The following TPX2 variants were observed in gnomAD, a reference collection of about 807,000 sequenced individuals.
The protein encoded by TPX2 is TPX2 microtubule nucleation factor.
A neutral mutation model predicts 93.6 loss-of-function variants in TPX2; 21 were observed. That is an observed-to-expected ratio of 0.22 (90% CI 0.16 to 0.32). The LOEUF (loss-of-function observed/expected upper bound fraction) is 0.32. Among genes scored for constraint, TPX2 ranks in the 10% least tolerant of loss-of-function variants. The pLI, the probability that TPX2 is intolerant of heterozygous loss-of-function variation, is 1.00. For synonymous variants in TPX2, 281 were observed against 298.3 expected, an observed-to-expected ratio of 0.94 and a Z score of 0.60; for missense variants, 776 against 871.1, an observed-to-expected ratio of 0.89 and a Z score of 1.37.
Position 31,772,042 on chromosome 20 carries a change from A to T in TPX2, c.608+360A>T, listed in dbSNP as rs546839093. ...AACTTTTTTTTTTTTTTTTTTTGAG[A>T]CAGAGGCTCACTCTGTTTCCCAGGC... On this transcript the variant is annotated intron_variant, in intron 7 of 17. Transcript: ENST00000300403. Among the ~76,000 whole-genome samples, 22 of 128,270 alleles carry T rather than the reference A, an allele frequency of 1.7e-4. No individual in the cohort carries two copies. In the Middle Eastern group the frequency reaches 0.016, roughly 96 times the overall value. The allele number at this position is 128,270 out of a possible 152,430, so 84.2% of individuals were successfully genotyped here.
chr20:31,796,387 C>T (rs2062138938), intron 15 of TPX2, among the ~76,000 whole-genome samples: 4 of 152,284 alleles, frequency 2.6e-5, no homozygotes, highest in Non-Finnish European at 4.4e-5. Flanking sequence ...AATATTCTCA[C>T]ACTTAAAAAG....
intron 4 of TPX2, among the ~76,000 whole-genome samples, chr20:31,760,747 A>G (rs1311415664): frequency 1.3e-5 from 2 of 152,330 alleles, no homozygotes; most frequent in East Asian, 3.9e-4. Context: ...TGGGTGGGAA[A>G]TAAAACAGCA....
rs779981664 is a variant in TPX2, at chr20:31,783,900, T to C, written c.1392T>C (p.Thr464=). The C allele has an allele frequency of 6.2e-7, 1 of 1,612,972 alleles. No homozygotes were observed. The highest frequency in any genetic ancestry group is 1.7e-5 in the Admixed American group (1 of 59,604). The change falls in exon 12 of 18, where the codon ACT becomes ACC. Residue 464 remains threonine, a synonymous_variant. Coordinates refer to ENST00000300403, the MANE Select transcript of TPX2 (RefSeq NM_012112.5). ...HFEFHSRPCP[T]KILEDVVGVP... ...AATTTCATTCCAGACCTTGCCCTACTAAGATTTTGGAAGATGTTGTGGTAA... is the reference window on the plus strand; with the variant it reads ...AATTTCATTCCAGACCTTGCCCTACCAAGATTTTGGAAGATGTTGTGGTAA...
intron 10 of TPX2, 48 bp from the exon 11 acceptor site, chr20:31,782,201 A>T: frequency 3.8e-6 from 6 of 1,566,388 alleles, no homozygotes; most frequent in Non-Finnish European, 5.2e-6. Flanking sequence ...CTTACAAGTA[A>T]ACTGGGTCTT....
chr20:31,794,371 A>G (rs753475102), intron 14 of TPX2, 31 bp from the exon 15 acceptor site: 6 of 1,607,924 alleles, frequency 3.7e-6, no homozygotes, highest in Non-Finnish European at 4.2e-6. Flanking sequence ...GCTAGTCTTT[A>G]TCTTAAACCT....
chr20:31,785,369 C>T (rs1480284679), intron 12 of TPX2, among the ~76,000 whole-genome samples: 1 of 152,148 alleles, frequency 6.6e-6, no homozygotes, highest in East Asian at 1.9e-4. Flanking sequence ...ATATGCAAAC[C>T]TCAGAGTTGT....
intron 12 of TPX2, among the ~76,000 whole-genome samples, chr20:31,788,417 C>CAAAAAA (rs11356550): frequency 5.8e-5 from 4 of 68,676 alleles, no homozygotes; most frequent in African/African-American, 1.0e-4. Flanking sequence ...GACTCTGTCT[C>CAAAAAA]AAAAAAAAAA....
At chr20:31,783,678 G>A in intron 11 of TPX2, 27 bp from the exon 12 acceptor site, 2 of 1,571,286 alleles carry the variant, frequency 1.3e-6, no homozygotes, top group Non-Finnish European at 1.7e-6. Flanking sequence ...AATTTTTTTT[G>A]TGGTTATTTA....
In TPX2 at chr20:31,783,891, T is replaced by C. The variant is rs1160666672; in HGVS notation, c.1383T>C (p.Pro461=). The part of the protein sequence containing the change: ...EDEHFEFHSR[P]CPTKILEDVV... ...AACACTTTGAATTTCATTCCAGACCTTGCCCTACTAAGATTTTGGAAGATG... is the reference window on the plus strand; with the variant it reads ...AACACTTTGAATTTCATTCCAGACCCTGCCCTACTAAGATTTTGGAAGATG... The change falls in exon 12 of 18, where the codon CCT becomes CCC. Residue 461 remains proline (P), a synonymous_variant. Coordinates refer to ENST00000300403, the MANE Select transcript of TPX2 (RefSeq NM_012112.5). 6.2e-7 allele frequency: 1 copy of C among 1,612,418 alleles called. No homozygotes were observed. The highest frequency in any genetic ancestry group is 8.5e-7 in the Non-Finnish European group (1 of 1,179,718).
intron 7 of TPX2, among the ~76,000 whole-genome samples, chr20:31,772,135 C>T (rs2061968105): frequency 6.6e-6 from 1 of 151,692 alleles, no homozygotes; most frequent in South Asian, 2.1e-4. Flanking sequence ...ATTCTCCTGC[C>T]TCAGCCTCCC....
chr20:31,765,447 T>C (rs143524362), intron 4 of TPX2, among the ~76,000 whole-genome samples: 179 of 151,946 alleles, frequency 1.2e-3, no homozygotes, highest in Admixed American at 3.3e-3. Context: ...CTCAAACTCA[T>C]ATTGGTTTTG....
At chr20:31,763,721 A>ATTTATTTTTTT (rs2061905707) in intron 4 of TPX2, among the ~76,000 whole-genome samples, 1 of 114,030 alleles carries the variant, frequency 8.8e-6, no homozygotes, top group Non-Finnish European at 1.7e-5. Context: ...TTTAAATTTA[A>ATTTATTTTTTT]TTTTTTTTTT....
intron 2 of TPX2, among the ~76,000 whole-genome samples, chr20:31,743,615 A>G (rs2061765958): frequency 6.6e-6 from 1 of 152,092 alleles, no homozygotes; most frequent in South Asian, 2.1e-4. Flanking sequence ...GGGTCACTTA[A>G]GCCAAGGAGT....
intron 3 of TPX2, among the ~76,000 whole-genome samples, chr20:31,759,153 T>C (rs757726495): frequency 3.3e-5 from 5 of 152,168 alleles, no homozygotes; most frequent in Non-Finnish European, 7.3e-5. Context: ...AGGGTAGTTA[T>C]TGCTGTGTCT....
chr20:31,799,895 C>A, intron 17 of TPX2, among the ~76,000 whole-genome samples: 1 of 85,452 alleles, frequency 1.2e-5, no homozygotes, highest in Non-Finnish European at 2.0e-5. Context: ...GCGAGACTGT[C>A]TCAAAAAAAA....
chr20:31,773,854 T>C (rs533545184), intron 7 of TPX2, among the ~76,000 whole-genome samples: 20 of 152,202 alleles, frequency 1.3e-4, no homozygotes, highest in African/African-American at 4.8e-4. Context: ...CCACTTTTTG[T>C]AGTGAGAACA....
At chr20:31,771,536 A>G (rs1568587907) in intron 6 of TPX2, 24 bp from the exon 7 acceptor site, 1 of 1,606,980 alleles carries the variant, frequency 6.2e-7, no homozygotes, top group East Asian at 2.2e-5. Flanking sequence ...TTGAAAACAT[A>G]TTTTTTGTCC....
In TPX2 at chr20:31,794,372, T is replaced by G. The variant is rs758698959; in HGVS notation, c.1687-30T>G. On this transcript the variant is annotated intron_variant, in intron 14 of 17. Transcript: ENST00000300403. The stretch of plus-strand genomic sequence containing the variant: ...GCTATTGCTTTCCAGCTAGTCTTTA[T>G]CTTAAACCTCATGTTTTCTTTTCTG... The G allele has an allele frequency of 1.9e-6, 3 of 1,609,784 alleles. No individual in the cohort carries two copies. The Admixed American group carries it at 5.1e-5, about 27-fold the overall frequency.
intron 7 of TPX2, among the ~76,000 whole-genome samples, chr20:31,774,490 A>T (rs1398578482): frequency 6.6e-6 from 1 of 151,998 alleles, no homozygotes; most frequent in Non-Finnish European, 1.5e-5. Context: ...AAGAATGGAT[A>T]CTCTGTGTTG....
Sources: gnomAD v4.1 joint callset for allele counts (sites outside exome capture counted in the v4.1 genomes callset) on GRCh38, gnomAD v4.1.1 for gene constraint, MANE v1.5 for transcripts, NCBI Gene and HGNC (gene_info 2026-07-23, HGNC 2026-07-21) for gene names.